The following NBPF8 variants were observed in gnomAD, a reference collection of about 807,000 sequenced individuals.
The protein encoded by NBPF8 is NBPF member 8.
At chr1:120,419,499 T>A (rs1426834866), upstream of NBPF8, among the ~76,000 whole-genome samples, 1 of 151,852 alleles carries the variant, frequency 6.6e-6, no homozygotes, top group East Asian at 1.9e-4. Flanking sequence ...TATTTTTTTT[T>A]CCCCCAGGCT....
chr1:120,416,831 C>T (rs1553245282), upstream of NBPF8, among the ~76,000 whole-genome samples: 5 of 151,570 alleles, frequency 3.3e-5, no homozygotes, highest in East Asian at 9.7e-4. Context: ...CACAACCTTG[C>T]TGATGCCTGT....
intron 13 of NBPF8, among the ~76,000 whole-genome samples, chr1:120,452,677 G>A (rs1553249102): frequency 1.1e-4 from 17 of 152,374 alleles, no homozygotes; most frequent in Admixed American, 2.6e-4. Flanking sequence ...CTGTCTTTTC[G>A]GCAATGTTCT....
At chr1:120,419,571 G>A (rs1474145721), upstream of NBPF8, among the ~76,000 whole-genome samples, 1 of 152,146 alleles carries the variant, frequency 6.6e-6, no homozygotes, top group Non-Finnish European at 1.5e-5. Context: ...GAATCCTCCT[G>A]CCTCAACCTT....
intron 8 of NBPF8, among the ~76,000 whole-genome samples, chr1:120,446,252 G>C (rs1553248222): frequency 2.5e-5 from 3 of 117,662 alleles, no homozygotes; most frequent in Non-Finnish European, 5.3e-5. Flanking sequence ...CTCCTTCCTT[G>C]ATGGAAGGTG....
chr1:120,415,266 C>T (rs1660398038), upstream of NBPF8, among the ~76,000 whole-genome samples: 1 of 152,122 alleles, frequency 6.6e-6, no homozygotes, highest in Non-Finnish European at 1.5e-5. Flanking sequence ...GTCCACCCAG[C>T]GTTTCCGAGG....
At chr1:120,468,209 A>ACAT (rs1661799424), downstream of NBPF8, among the ~76,000 whole-genome samples, 1 of 150,252 alleles carries the variant, frequency 6.7e-6, no homozygotes, top group Non-Finnish European at 1.5e-5. Flanking sequence ...TTGAACCTAA[A>ACAT]CATATACCGG....
At chr1:120,420,343 G>A (rs1461895699) in intron 1 of NBPF8, among the ~76,000 whole-genome samples, 3 of 148,664 alleles carry the variant, frequency 2.0e-5, no homozygotes, top group Non-Finnish European at 3.0e-5. Flanking sequence ...TTTACTTCAG[G>A]AGAGGACAGT....
intron 18 of NBPF8, among the ~76,000 whole-genome samples, chr1:120,460,982 C>A (rs1661570036): frequency 1.3e-5 from 2 of 149,338 alleles, no homozygotes; most frequent in Admixed American, 6.7e-5. Flanking sequence ...ACTCCCTCAT[C>A]AGTGTGTCAC....
chr1:120,466,398 A>G (rs1402864073), exon 25 of NBPF8: 93 of 850,514 alleles, frequency 1.1e-4, no homozygotes, highest in Middle Eastern at 8.0e-4. Context: ...TCTGAAGACA[A>G]TGGACCCACG....
intron 3 of NBPF8, among the ~76,000 whole-genome samples, chr1:120,429,473 C>A (rs1167974833): frequency 6.6e-6 from 1 of 152,186 alleles, no homozygotes; most frequent in Non-Finnish European, 1.5e-5. Flanking sequence ...GCCCTCCCTG[C>A]TGTCAGAACA....
intron 16 of NBPF8, among the ~76,000 whole-genome samples, chr1:120,456,598 T>C (rs1321394040): frequency 3.0e-5 from 4 of 133,740 alleles, no homozygotes; most frequent in Non-Finnish European, 6.2e-5. Context: ...CTGCCTTTTT[T>C]TGTTTTCCAT....
At chr1:120,449,346 A>G in exon 11 of NBPF8, 1 of 1,608,062 alleles carries the variant, frequency 6.2e-7, no homozygotes, top group Non-Finnish European at 8.5e-7. Flanking sequence ...AACCTCAAAG[A>G]GAAATGTTTT....
At position 120,463,087 on chromosome 1, in the gene NBPF8, G is replaced by A. The variant is rs1661637426; in HGVS notation, n.3234+121G>A. On this transcript the variant is annotated intron_variant and non_coding_transcript_variant, in intron 21 of 24. Coordinates refer to ENST00000583271, the Ensembl canonical transcript of NBPF8. ...GTCATTGCCGCAGGCAGGACCTATG[G>A]GCGCATATAGGTTGTAATGAGACTG... 1.9e-5 allele frequency: 13 copies of A among 688,916 alleles called. No homozygotes were observed. The South Asian group carries it at 2.0e-4, about 11-fold the overall frequency. 42.7% of individuals were successfully genotyped at this position (688,916 alleles called of 1,614,324 possible).
intron 3 of NBPF8, among the ~76,000 whole-genome samples, chr1:120,428,783 C>T (rs1660790778): frequency 6.7e-6 from 1 of 148,850 alleles, no homozygotes; most frequent in African/African-American, 2.5e-5. Context: ...GAGGCTGTAC[C>T]AGCCCCAATG....
intron 1 of NBPF8, among the ~76,000 whole-genome samples, chr1:120,422,722 G>C (rs1419930046): frequency 7.3e-6 from 1 of 137,858 alleles, no homozygotes; most frequent in Non-Finnish European, 1.5e-5. Flanking sequence ...ATGAACTTAA[G>C]TTTTCCAAAG....
At chr1:120,454,044 C>G in exon 15 of NBPF8, 2 of 1,613,158 alleles carry the variant, frequency 1.2e-6, no homozygotes, top group Admixed American at 1.7e-5. Context: ...TTGAGGAAGA[C>G]AAAGTCGACT....
chr1:120,453,052 G>T (rs1553249147), intron 13 of NBPF8, among the ~76,000 whole-genome samples: 2 of 147,828 alleles, frequency 1.4e-5, no homozygotes, highest in African/African-American at 2.5e-5. Context: ...CCAAGCCTGT[G>T]CCTGGGAATC....
upstream of NBPF8, among the ~76,000 whole-genome samples, chr1:120,419,647 A>T (rs1365406841): frequency 6.7e-6 from 1 of 148,940 alleles, no homozygotes; most frequent in Admixed American, 6.7e-5. Flanking sequence ...TTATTTTCAG[A>T]GATGGGGTCT....
At chr1:120,459,746 G>A (rs1244191315) in intron 17 of NBPF8, among the ~76,000 whole-genome samples, 1 of 152,210 alleles carries the variant, frequency 6.6e-6, no homozygotes, top group Non-Finnish European at 1.5e-5. Context: ...CTCACGCCAT[G>A]CCCGTGCCAA....
Sources: gnomAD v4.1 joint callset for allele counts (sites outside exome capture counted in the v4.1 genomes callset) on GRCh38, gnomAD v4.1.1 for gene constraint, MANE v1.5 for transcripts, NCBI Gene and HGNC (gene_info 2026-07-23, HGNC 2026-07-21) for gene names.